SLC12A5: variants seen among roughly 807,000 people sequenced by gnomAD.
SLC12A5 encodes the protein solute carrier family 12 member 5, also known as K-Cl cotransporter 2.
SLC12A5 carries 18 observed loss-of-function variants against 124.0 expected under a neutral mutation model. The observed-to-expected ratio is 0.15, with a 90% confidence interval of 0.10 to 0.22. The LOEUF (loss-of-function observed/expected upper bound fraction) is 0.22. Ranked by LOEUF, SLC12A5 falls within the 10% of genes least tolerant of loss-of-function variation. The pLI, the probability that SLC12A5 is intolerant of heterozygous loss-of-function variation, is 1.00. For synonymous variants in SLC12A5, 589 were observed against 568.0 expected (o/e 1.04, Z -0.53); for missense variants, 867 against 1,478.7 (o/e 0.59, Z 6.78).
rs566037948 is a variant in SLC12A5, at chr20:46,045,356, C to T, written c.1569+216C>T. On this transcript the variant is annotated intron_variant, in intron 12 of 25. Coordinates refer to ENST00000243964, the MANE Select transcript of SLC12A5 (RefSeq NM_020708.5). The surrounding 1 kb of genome is among the most constrained non-coding windows in gnomAD (Gnocchi z 4.9). ...GTTGGGCAGGGCATTGGGTGGTGCCCTGTCTGTGGCTTCTCCTTCACCCAG... is the reference window on the plus strand; with the variant it reads ...GTTGGGCAGGGCATTGGGTGGTGCCTTGTCTGTGGCTTCTCCTTCACCCAG... 6.6e-6 allele frequency among the ~76,000 whole-genome samples: 1 copy of T among 152,294 alleles called. No homozygotes were observed. The highest frequency in any genetic ancestry group is 2.1e-4 in the South Asian group (1 of 4,826).
intron 17 of SLC12A5, among the ~76,000 whole-genome samples, chr20:46,050,332 C>T (rs1348267893): frequency 6.6e-6 from 1 of 152,224 alleles, no homozygotes; most frequent in Non-Finnish European, 1.5e-5. Context: ...CTCTGTGTCA[C>T]CTGCTCTTGG....
At chr20:46,040,310 C>A in intron 6 of SLC12A5, 63 bp from the exon 7 acceptor site, 1 of 1,590,290 alleles carries the variant, frequency 6.3e-7, no homozygotes, top group Non-Finnish European at 8.5e-7. Flanking sequence ...TTTCCTAAAG[C>A]GCTGCATGTA....
At chr20:46,029,915 T>C (rs11696488) in intron 1 of SLC12A5, among the ~76,000 whole-genome samples, 55 of 42,874 alleles carry the variant, frequency 1.3e-3, no homozygotes, top group Middle Eastern at 0.045. Flanking sequence ...TGTGTGTGTG[T>C]GCGTGTGTGT....
intron 6 of SLC12A5, among the ~76,000 whole-genome samples, chr20:46,038,026 C>T (rs1392783454): frequency 1.3e-5 from 2 of 152,128 alleles, no homozygotes; most frequent in Non-Finnish European, 2.9e-5. Flanking sequence ...GGTCTCCATC[C>T]TTCATCCCCT....
chr20:46,044,983 A>G lies in SLC12A5; in HGVS notation c.1412A>G (p.Asn471Ser). 6.2e-7 allele frequency: 1 copy of G among 1,614,192 alleles called. No homozygotes were observed. Among genetic ancestry groups the G allele is most frequent in the Non-Finnish European group, 8.5e-7 (1 of 1,180,024 alleles). ...VLRDKFGEAV[N>S]GNLVVGTLAW... Reference sequence around the variant, plus strand: ...CATTCCAGGTTTGGCGAAGCTGTGAATGGCAACCTCGTGGTGGGCACTCTG... The same window carrying G: ...CATTCCAGGTTTGGCGAAGCTGTGAGTGGCAACCTCGTGGTGGGCACTCTG... Residue 471 changes from asparagine (N) to serine (S), a missense_variant, in exon 12 of 26, where the codon AAT (asparagine) becomes AGT (serine). Transcript: ENST00000243964.
chr20:46,033,867 A>T (rs1035324479), intron 1 of SLC12A5, among the ~76,000 whole-genome samples: 1 of 152,204 alleles, frequency 6.6e-6, no homozygotes, highest in African/African-American at 2.4e-5. Context: ...TACCTGGGTT[A>T]CTGAAAGTCT....
chr20:46,035,983 G>A, intron 4 of SLC12A5, 60 bp downstream of exon 4: 6 of 1,536,484 alleles, frequency 3.9e-6, no homozygotes, highest in Non-Finnish European at 5.3e-6. Context: ...GAGGCCTGGG[G>A]GTGGGAGGTG....
Position 46,057,132 on chromosome 20 carries a change from C to G in SLC12A5, c.3126-38C>G, listed in dbSNP as rs367615526. On this transcript the variant is annotated intron_variant, in intron 24 of 25. Coordinates refer to ENST00000243964, the MANE Select transcript of SLC12A5 (RefSeq NM_020708.5). The surrounding 1 kb of genome is among the most constrained non-coding windows in gnomAD (Gnocchi z 7.1). ...ACTGGCTCCAATCTTCTCTACCCCC[C>G]CGGCTCACGCGGTCTCCACTCCTCC... The G allele has an allele frequency of 1.6e-5, 25 of 1,612,074 alleles. No individual in the cohort carries two copies. The highest frequency in any genetic ancestry group is 2.7e-5 in the African/African-American group (2 of 75,004).
intron 20 of SLC12A5, among the ~76,000 whole-genome samples, chr20:46,054,639 A>C (rs2145505521): frequency 6.6e-6 from 1 of 152,270 alleles, no homozygotes; most frequent in African/African-American, 2.4e-5. Context: ...GTGATTAATT[A>C]ATCCACTCAT....
intron 3 of SLC12A5, 106 bp from the exon 4 acceptor site, chr20:46,035,671 A>G (rs3848723): frequency 0.028 from 41,756 of 1,516,658 alleles, 1,057 homozygotes; most frequent in Admixed American, 0.14. Flanking sequence ...AAGGGTTGAG[A>G]ATAGAGAGAA....
chr20:46,045,835 A>T lies in SLC12A5; in HGVS notation c.1570-43A>T. ...CCGAGGCTAGGGGAGAGGGCTGAGAAATCCTTGAGGTCTCAGTCCCATGAT... is the reference window on the plus strand; with the variant it reads ...CCGAGGCTAGGGGAGAGGGCTGAGATATCCTTGAGGTCTCAGTCCCATGAT... On this transcript the variant is annotated intron_variant, in intron 12 of 25. Coordinates refer to ENST00000243964, the MANE Select transcript of SLC12A5 (RefSeq NM_020708.5). The surrounding 1 kb of genome is among the most constrained non-coding windows in gnomAD (Gnocchi z 4.9). 1 of 1,549,164 alleles carries T rather than the reference A, an allele frequency of 6.5e-7. No homozygotes were observed. Among genetic ancestry groups the T allele is most frequent in the Non-Finnish European group, 8.9e-7 (1 of 1,122,734 alleles).
At chr20:46,028,813 C>A (rs1053501764), upstream of SLC12A5, among the ~76,000 whole-genome samples, 2 of 152,194 alleles carry the variant, frequency 1.3e-5, no homozygotes, top group African/African-American at 4.8e-5. Flanking sequence ...CCCAGACCCC[C>A]AGTCAAGCAG....
intron 17 of SLC12A5, 71 bp from the exon 18 acceptor site, chr20:46,051,604 G>A (rs2084647069): frequency 3.5e-6 from 5 of 1,421,438 alleles, no homozygotes; most frequent in Admixed American, 2.2e-5. Flanking sequence ...TGGGAGGGAA[G>A]GAGGCTACAA....
chr20:46,035,999 A>C, intron 4 of SLC12A5, 76 bp downstream of exon 4: 1 of 1,518,690 alleles, frequency 6.6e-7, no homozygotes, highest in East Asian at 2.3e-5. Flanking sequence ...AGGTGGGAGG[A>C]TGGAAGCATG....
intron 16 of SLC12A5, 148 bp from the exon 17 acceptor site, chr20:46,049,474 T>C: frequency 1.0e-6 from 1 of 978,796 alleles, no homozygotes. Flanking sequence ...GGTTGATGGG[T>C]AGATGAATGG....
chr20:46,047,691 G>A (rs2145496921), intron 15 of SLC12A5, 118 bp downstream of exon 15: 1 of 1,345,786 alleles, frequency 7.4e-7, no homozygotes, highest in East Asian at 2.4e-5. Context: ...GGGAGTGGGA[G>A]AGGATGGGGC....
At position 46,049,634 on chromosome 20, in the gene SLC12A5, G is replaced by C. The variant is rs1339450848; in HGVS notation, c.2025G>C (p.Leu675=). 1.2e-6 allele frequency: 2 copies of C among 1,603,958 alleles called. No individual in the cohort carries two copies. The highest frequency in any genetic ancestry group is 1.7e-6 in the Non-Finnish European group (2 of 1,175,390). Residue 675 remains leucine, a synonymous_variant, in exon 17 of 26, where the codon CTG becomes CTC. Coordinates refer to ENST00000243964, the MANE Select transcript of SLC12A5 (RefSeq NM_020708.5). Reference sequence around the variant, plus strand: ...GCACACTCTTCAGGCCACAGCTGCTGGTGCTGGTGCGTGTGGACCAAGACC... The same window carrying C: ...GCACACTCTTCAGGCCACAGCTGCTCGTGCTGGTGCGTGTGGACCAAGACC... ...PHTKNWRPQL[L]VLVRVDQDQN... is the part of the protein sequence containing the mutation.
chr20:46,022,634 C>T (rs1278148397), intron 1 of SLC12A5: 3 of 393,336 alleles, frequency 7.6e-6, no homozygotes, highest in African/African-American at 6.2e-5. Flanking sequence ...GGTCGCTGAT[C>T]CCGACTCTTG....
upstream of SLC12A5, among the ~76,000 whole-genome samples, chr20:46,025,110 CT>C (rs1319798792): frequency 1.3e-5 from 2 of 152,166 alleles, no homozygotes; most frequent in Non-Finnish European, 2.9e-5. Flanking sequence ...ATATACCCAT[CT>C]GTAGTATAAA....
Sources: gnomAD v4.1 joint callset for allele counts (sites outside exome capture counted in the v4.1 genomes callset) on GRCh38, gnomAD v4.1.1 for gene constraint, Gnocchi (gnomAD v3.1) non-coding constraint, MANE v1.5 for transcripts, NCBI Gene and HGNC (gene_info 2026-07-23, HGNC 2026-07-21) for gene names.